Variants in IL36RN observed in about 807,000 individuals in gnomAD.
The protein encoded by IL36RN is interleukin-36 receptor antagonist protein.
IL36RN carries 11 observed loss-of-function variants against 13.0 expected under a neutral mutation model. The observed-to-expected ratio is 0.85, with a 90% CI of 0.53 to 1.40. The LOEUF (loss-of-function observed/expected upper bound fraction) is 1.40. IL36RN is among the 40% of genes most tolerant of loss of function. The probability of loss-of-function intolerance (pLI) is 0.00; values close to 1 mark genes in which losing one functional copy is unlikely to be tolerated. For missense variants in IL36RN, 195 were observed against 195.3 expected (o/e 1.00, Z 0.01); for synonymous variants, 94 against 84.1 (o/e 1.12, Z -0.64).
Position 113,063,882 on chromosome 2 carries a change from G to C in IL36RN, c.*1205G>C, listed in dbSNP as rs974624111. The C allele has an allele frequency of 1.4e-4, 21 of 152,192 alleles. No homozygotes were observed. Among genetic ancestry groups the C allele is most frequent in the African/African-American group, 4.8e-4 (20 of 41,436 alleles). 9.4% of individuals were successfully genotyped at this position (152,192 alleles called of 1,614,324 possible). ...GGCATTGGATCCAGTCTCTAAGAAG[G>C]CTGCTGTACTGGTTGAATTGTGTCC... On this transcript the variant is annotated 3_prime_UTR_variant, in exon 5 of 5. Transcript: ENST00000393200.
In IL36RN at chr2:113,059,604, C is replaced by T. The variant is rs2515392; in HGVS notation, c.29+137C>T. On this transcript the variant is annotated intron_variant, in intron 2 of 4. Transcript: ENST00000393200. ...CTGGGAAATTGTGACCAGCACCTCA[C>T]TGCTCTTAGAGTTTTCCCAGCCTTT... 630,688 of 949,194 alleles carry T rather than the reference C, an allele frequency of 0.66. 215,792 individuals carry two copies. Among genetic ancestry groups the T allele is most frequent in the East Asian group, 0.94 (38,135 of 40,420 alleles). 58.8% of individuals were successfully genotyped at this position (949,194 alleles called of 1,614,324 possible). A position where few individuals can be genotyped will look rare whatever the true frequency, so the allele number is the denominator to read the frequency against.
rs781504452 is a variant in IL36RN at position 113,062,717 on chromosome 2, C to G, written c.*40C>G. On this transcript the variant is annotated 3_prime_UTR_variant, in exon 5 of 5. Coordinates refer to ENST00000393200, the MANE Select transcript of IL36RN (RefSeq NM_012275.3). ...CAGAACTCCCTGGGCAGAGCCAGCT[C>G]GGGTGAGGGGTGAGTGGAGGAGACC... 1.3e-6 allele frequency: 2 copies of G among 1,560,890 alleles called. No homozygotes were observed. Among genetic ancestry groups the G allele is most frequent in the Admixed American group, 1.7e-5 (1 of 58,672 alleles).
intron 3 of IL36RN, among the ~76,000 whole-genome samples, 156 bp from the exon 4 acceptor site, chr2:113,061,968 A>T (rs1470850391): frequency 6.6e-6 from 1 of 152,112 alleles, no homozygotes; most frequent in Non-Finnish European, 1.5e-5. Flanking sequence ...GAGCCAGTGG[A>T]CAGGAGAAGC....
At chr2:113,059,566 G>A (rs1215107454) in intron 2 of IL36RN, 99 bp downstream of exon 2, 4 of 1,361,394 alleles carry the variant, frequency 2.9e-6, no homozygotes, top group Admixed American at 1.7e-5. Context: ...GAAGGGAGGG[G>A]CTGCCATTGC....
chr2:113,060,272 C>T (rs1427389119), intron 2 of IL36RN, among the ~76,000 whole-genome samples: 2 of 152,162 alleles, frequency 1.3e-5, no homozygotes, highest in Non-Finnish European at 2.9e-5. Flanking sequence ...TCTTCCACCT[C>T]ATAGGATGCC....
At position 113,060,852 on chromosome 2, in the gene IL36RN, A is replaced by G. The variant is rs1685627157; in HGVS notation, c.30A>G (p.Arg10=). The G allele has an allele frequency of 1.2e-6, 2 of 1,613,042 alleles. No individual in the cohort carries two copies. Among genetic ancestry groups the G allele is most frequent in the Non-Finnish European group, 1.7e-6 (2 of 1,179,038 alleles). The change falls in exon 3 of 5, where the codon CGA becomes CGG. Residue 10 remains arginine (R), a splice_region_variant and synonymous_variant. Transcript: ENST00000393200. The part of the protein sequence containing the change: MVLSGALCF[R]MKDSALKVLY... ...TCCTCACCCCTTCCTGATGTTTCAG[A>G]ATGAAGGACTCGGCATTGAAGGTGC...
At chr2:113,060,751 A>G (rs575663531) in intron 2 of IL36RN, 101 bp from the exon 3 acceptor site, 1 of 816,716 alleles carries the variant, frequency 1.2e-6, no homozygotes, top group African/African-American at 1.7e-5. Context: ...AGGAAGAAAG[A>G]GAGACAAAAT....
chr2:113,059,923 G>A (rs181130285), intron 2 of IL36RN, among the ~76,000 whole-genome samples: 1 of 152,308 alleles, frequency 6.6e-6, no homozygotes, highest in Non-Finnish European at 1.5e-5. Flanking sequence ...ACACTCTGCC[G>A]TGTTCTGGGC....
chr2:113,062,409 C>T (rs778024459), intron 4 of IL36RN, 44 bp from the exon 5 acceptor site: 4 of 1,609,426 alleles, frequency 2.5e-6, no homozygotes, highest in African/African-American at 2.7e-5. Context: ...CCTCCCTCTG[C>T]CCCTGCTTCT....
intron 2 of IL36RN, among the ~76,000 whole-genome samples, chr2:113,060,130 G>A (rs930533861): frequency 1.2e-5 from 1 of 81,150 alleles, no homozygotes; most frequent in Non-Finnish European, 2.2e-5. Context: ...GCCCAGCTCA[G>A]CATATGAGTG....
chr2:113,059,771 G>A (rs954318503), intron 2 of IL36RN, among the ~76,000 whole-genome samples: 9 of 152,122 alleles, frequency 5.9e-5, no homozygotes, highest in African/African-American at 1.9e-4. Flanking sequence ...TCAGAGCTCC[G>A]CCATTGTCCC....
At chr2:113,060,478 T>C (rs1685618693) in intron 2 of IL36RN, among the ~76,000 whole-genome samples, 1 of 152,154 alleles carries the variant, frequency 6.6e-6, no homozygotes, top group African/African-American at 2.4e-5. Flanking sequence ...AGTGTAGCAA[T>C]GGGGAGGCTC....
chr2:113,059,691 T>C (rs2441375), intron 2 of IL36RN, among the ~76,000 whole-genome samples: 104,492 of 151,940 alleles, frequency 0.69, 36,718 homozygotes, highest in East Asian at 0.93. Flanking sequence ...CTGAGGGGGA[T>C]AAGTGAACCT....
chr2:113,062,558 C>G lies in IL36RN; in HGVS notation c.349C>G (p.Pro117Ala), dbSNP rs780273771. Reference protein sequence around the residue: ...LTSSFESAAYPGWFLCTVPEA... With the variant: ...LTSSFESAAYAGWFLCTVPEA... ...CTCCAGCTTCGAGTCGGCTGCCTACCCGGGCTGGTTCCTGTGCACGGTGCC... is the reference window on the plus strand; with the variant it reads ...CTCCAGCTTCGAGTCGGCTGCCTACGCGGGCTGGTTCCTGTGCACGGTGCC... The change falls in exon 5 of 5, where the codon CCG becomes GCG. Residue 117 changes from proline to alanine, a missense_variant. Pro to Ala is a conservative substitution (Grantham distance 27, BLOSUM62 -1). Coordinates refer to ENST00000393200, the MANE Select transcript of IL36RN (RefSeq NM_012275.3). 5.6e-6 allele frequency: 9 copies of G among 1,614,042 alleles called. No individual in the cohort carries two copies. The Admixed American group carries it at 1.3e-4, about 24-fold the overall frequency.
chr2:113,059,674 C>T (rs1314045113), intron 2 of IL36RN, among the ~76,000 whole-genome samples: 1 of 152,084 alleles, frequency 6.6e-6, no homozygotes, highest in East Asian at 1.9e-4. Context: ...ACAAGGGGTC[C>T]CTGATGCTGA....
Position 113,063,698 on chromosome 2 carries a change from G to C in IL36RN, c.*1021G>C, listed in dbSNP as rs764376721. The C allele has an allele frequency of 2.6e-5, 4 of 152,180 alleles. No individual in the cohort carries two copies. The highest frequency in any genetic ancestry group is 4.8e-5 in the African/African-American group (2 of 41,444). 9.4% of individuals were successfully genotyped at this position (152,180 alleles called of 1,614,324 possible). On this transcript the variant is annotated 3_prime_UTR_variant, in exon 5 of 5. Coordinates refer to ENST00000393200, the MANE Select transcript of IL36RN (RefSeq NM_012275.3). ...AAATTGAATCGAGCTCTGCTGCTCTGGTTGGTTGTAGTAGTGATCAGGAAA... is the reference window on the plus strand; with the variant it reads ...AAATTGAATCGAGCTCTGCTGCTCTCGTTGGTTGTAGTAGTGATCAGGAAA...
chr2:113,064,327 T>C lies in IL36RN; in HGVS notation c.*1650T>C, dbSNP rs143422590. 3 of 152,344 alleles carry C rather than the reference T, an allele frequency of 2.0e-5. No homozygotes were observed. The highest frequency in any genetic ancestry group is 1.9e-4 in the East Asian group (1 of 5,186). 9.4% of individuals were successfully genotyped at this position (152,344 alleles called of 1,614,324 possible). On this transcript the variant is annotated 3_prime_UTR_variant, in exon 5 of 5. Transcript: ENST00000393200. ...ATTGGTTACAGCAGCTCTAGGAAAC[T>C]AATACAGCTGCTAAAATGATCCCTG...
chr2:113,060,812 C>A, intron 2 of IL36RN, 40 bp from the exon 3 acceptor site: 1 of 1,452,552 alleles, frequency 6.9e-7, no homozygotes, highest in Non-Finnish European at 9.7e-7. Context: ...AGTGTCCACC[C>A]TCCTCCTAAT....
chr2:113,059,085 C>T (rs538290348), upstream of IL36RN: 40 of 349,294 alleles, frequency 1.1e-4, no homozygotes, highest in Non-Finnish European at 1.8e-4. Flanking sequence ...GTGCTTCTGG[C>T]GACTTAGGGT....
Sources: gnomAD v4.1 joint callset for allele counts (sites outside exome capture counted in the v4.1 genomes callset) on GRCh38, gnomAD v4.1.1 for gene constraint, MANE v1.5 for transcripts, NCBI Gene and HGNC (gene_info 2026-07-23, HGNC 2026-07-21) for gene names.